The following GPR173 variants were observed in gnomAD, a reference collection of about 807,000 sequenced individuals.
The protein encoded by GPR173 is probable G protein-coupled receptor 173.
A neutral mutation model predicts 13.9 loss-of-function variants in GPR173; 2 were observed. The ratio of observed to expected loss-of-function variants is 0.14; its 90% CI spans 0.06 to 0.45. The LOEUF (loss-of-function observed/expected upper bound fraction) is 0.45. GPR173 is among the 20% of genes least tolerant of loss of function. GPR173 has a pLI of 0.98. For synonymous variants in GPR173, 131 were observed against 141.0 expected (o/e 0.93, Z 0.50); for missense variants, 202 against 340.5 (o/e 0.59, Z 3.20).
At chrX:53,072,502 C>T (rs7881236) in intron 1 of GPR173, among the ~76,000 whole-genome samples, 24,146 of 106,398 alleles carry the variant, frequency 0.23, 2,766 homozygotes, top group African/African-American at 0.42. Flanking sequence ...ACCCTTCTTC[C>T]CCTTTTTGTC....
In GPR173 at chrX:53,063,352, A is replaced by T. The variant is rs183868874; in HGVS notation, c.-97-13173A>T. On this transcript the variant is annotated intron_variant, in intron 1 of 1. Coordinates refer to ENST00000332582, the MANE Select transcript of GPR173 (RefSeq NM_018969.6). ...TACTGCTCCAGAATTGAAGGAGCAG[A>T]GTCCCAAGGTGGCACAGGGCAGCAA... Among the ~76,000 whole-genome samples the T allele has an allele frequency of 8.2e-5, 9 of 110,264 alleles. No homozygotes were observed. In the East Asian group the frequency reaches 1.1e-3, roughly 14 times the overall value.
intron 1 of GPR173, among the ~76,000 whole-genome samples, chrX:53,057,764 A>AAAAAG (rs781921909): frequency 7.1e-5 from 8 of 111,919 alleles, no homozygotes; most frequent in African/African-American, 9.7e-5. Context: ...CAAAAAAGAG[A>AAAAAG]AAAAGAAAAG....
Position 53,073,635 on chromosome X carries a change from G to C in GPR173, c.-97-2890G>C, listed in dbSNP as rs1932299830. Reference sequence around the variant, plus strand: ...TCAATTCATTTGATATATTGTCACTGAGAGCCTACCATGATGTGCTATGTA... The same window carrying C: ...TCAATTCATTTGATATATTGTCACTCAGAGCCTACCATGATGTGCTATGTA... On this transcript the variant is annotated intron_variant, in intron 1 of 1. Coordinates refer to ENST00000332582, the MANE Select transcript of GPR173 (RefSeq NM_018969.6). Among the ~76,000 whole-genome samples the C allele has an allele frequency of 3.8e-5, 4 of 105,784 alleles. No individual in the cohort carries two copies. In the South Asian group the frequency reaches 1.6e-3, roughly 43 times the overall value. 91.9% of individuals were successfully genotyped at this position (105,784 alleles called of 115,157 possible).
At chrX:53,065,791 A>G (rs1932176752) in intron 1 of GPR173, among the ~76,000 whole-genome samples, 1 of 111,981 alleles carries the variant, frequency 8.9e-6, no homozygotes, top group African/African-American at 3.2e-5. Context: ...CTTTCAATCA[A>G]ATATGAAATT....
chrX:53,050,976 C>T (rs1931949584), intron 1 of GPR173, among the ~76,000 whole-genome samples: 1 of 112,624 alleles, frequency 8.9e-6, no homozygotes, highest in Non-Finnish European at 1.9e-5. Flanking sequence ...TGGCTTGCAG[C>T]CTGCAGCCTT....
In GPR173 at chrX:53,077,705, G is replaced by A. The variant is rs1447464427; in HGVS notation, c.1084G>A (p.Gly362Ser). Residue 362 changes from glycine to serine, a missense_variant, in exon 2 of 2, where the codon GGT (glycine) becomes AGT (serine). Physicochemically the swap from Gly to Ser is moderately conservative, Grantham distance 56 (BLOSUM62 0). This residue lies in a region of GPR173 where 76 missense variants were observed against 116.3 expected (regional missense o/e 0.65). Coordinates refer to ENST00000332582, the MANE Select transcript of GPR173 (RefSeq NM_018969.6). ...RTHAPCWGTG[G>S]APAPREPYCV... is the part of the protein sequence containing the mutation. ...TCACGCCCCCTGCTGGGGCACAGGA[G>A]GTGCCCCGGCTCCCAGAGAACCCTA... 32 of 1,204,500 alleles carry A rather than the reference G, an allele frequency of 2.7e-5. No individual in the cohort carries two copies. Among genetic ancestry groups the A allele is most frequent in the Non-Finnish European group, 3.5e-5 (31 of 890,745 alleles).
At chrX:53,065,426 T>A (rs1341779832) in intron 1 of GPR173, 1 of 112,375 alleles carries the variant, frequency 8.9e-6, no homozygotes, top group Non-Finnish European at 1.9e-5. Context: ...CAGTTACTAG[T>A]GTTGAGTATG....
Position 53,077,373 on chromosome X carries a change from G to A in GPR173, c.752G>A (p.Arg251His), listed in dbSNP as rs372615346. The A allele has an allele frequency of 1.7e-5, 20 of 1,197,939 alleles. No individual in the cohort carries two copies. Among genetic ancestry groups the A allele is most frequent in the East Asian group, 9.0e-5 (3 of 33,219 alleles). Residue 251 changes from arginine (R) to histidine (H), a missense_variant, in exon 2 of 2, where the codon CGT becomes CAT. Transcript: ENST00000332582. Reference protein sequence around the residue: ...AAANWIAGFGRGPMPPTLLGI... With the variant: ...AAANWIAGFGHGPMPPTLLGI... The stretch of plus-strand genomic sequence containing the variant: ...GCCAACTGGATCGCCGGCTTTGGCC[G>A]TGGGCCCATGCCACCAACCCTGCTG...
intron 1 of GPR173, among the ~76,000 whole-genome samples, chrX:53,068,385 A>G (rs1932214169): frequency 8.9e-6 from 1 of 111,745 alleles, no homozygotes; most frequent in Non-Finnish European, 1.9e-5. Flanking sequence ...ACAATCATAC[A>G]ATGCTTCTAT....
At chrX:53,055,409 C>T (rs1210906030) in intron 1 of GPR173, among the ~76,000 whole-genome samples, 1 of 108,895 alleles carries the variant, frequency 9.2e-6, no homozygotes, top group Non-Finnish European at 1.9e-5. Context: ...AGTGAGAGCA[C>T]GGATATATTT....
chrX:53,078,016 CTG>C lies in GPR173; in HGVS notation c.*275_*276del, dbSNP rs1281481390. ...AATCTCATTCTCTCTCTCTCTCTCT[CTG>C]TCTCTCTCTCTCTCTCTCTCTCTCT... On this transcript the variant is annotated 3_prime_UTR_variant, in exon 2 of 2. Coordinates refer to ENST00000332582, the MANE Select transcript of GPR173 (RefSeq NM_018969.6). The C allele has an allele frequency of 9.5e-3, 2,768 of 291,936 alleles. 82 individuals carry two copies. In the African/African-American group the frequency reaches 0.097, roughly 10 times the overall value. 24.1% of individuals were successfully genotyped at this position (291,936 alleles called of 1,213,427 possible).
At chrX:53,052,926 A>G (rs1348392040) in intron 1 of GPR173, among the ~76,000 whole-genome samples, 1 of 111,280 alleles carries the variant, frequency 9.0e-6, no homozygotes, top group Non-Finnish European at 1.9e-5. Context: ...AGTTGTGTGC[A>G]TGTGAGTGTA....
chrX:53,072,480 A>G (rs1449512233), intron 1 of GPR173, among the ~76,000 whole-genome samples: 4 of 75,192 alleles, frequency 5.3e-5, no homozygotes, highest in African/African-American at 2.1e-4. Context: ...CTTTTTTCTC[A>G]CTCTCATTTT....
At position 53,076,654 on chromosome X, in the gene GPR173, G is replaced by C. The variant is rs782367777; in HGVS notation, c.33G>C (p.Val11=). 1.7e-6 allele frequency: 2 copies of C among 1,197,967 alleles called. No homozygotes were observed. Among genetic ancestry groups the C allele is most frequent in the Non-Finnish European group, 2.3e-6 (2 of 886,910 alleles). MANTTGEPEE[V]SGALSPPSAS... is the part of the protein sequence containing the mutation. ...ACACTACCGGAGAGCCTGAGGAGGT[G>C]AGCGGCGCTCTGTCCCCACCGTCCG... Residue 11 remains valine, a synonymous_variant, in exon 2 of 2, where the codon GTG becomes GTC. Transcript: ENST00000332582.
intron 1 of GPR173, chrX:53,065,281 G>A (rs1932171271): frequency 8.9e-6 from 1 of 112,135 alleles, no homozygotes; most frequent in Admixed American, 9.5e-5. Flanking sequence ...CCCAATGTTT[G>A]ACCTAATGCC....
chrX:53,050,776 C>G (rs1242346888), intron 1 of GPR173, among the ~76,000 whole-genome samples: 3 of 112,009 alleles, frequency 2.7e-5, no homozygotes, highest in Non-Finnish European at 5.6e-5. Context: ...AGCAAGTGGG[C>G]AAATGGAGGG....
intron 1 of GPR173, among the ~76,000 whole-genome samples, chrX:53,060,912 CCTACAGTCTCAGA>C (rs1932115604): frequency 9.2e-6 from 1 of 108,209 alleles, no homozygotes; most frequent in Non-Finnish European, 1.9e-5. Flanking sequence ...GTTATACAGG[CCTACAGTCTCAGA>C]CTGTACAGAC....
chrX:53,078,415 G>T lies in GPR173; in HGVS notation c.*672G>T, dbSNP rs1932476053. 8.1e-6 allele frequency: 1 copy of T among 122,988 alleles called. No homozygotes were observed. Among genetic ancestry groups the T allele is most frequent in the African/African-American group, 3.3e-5 (1 of 30,649 alleles). 10.1% of individuals were successfully genotyped at this position (122,988 alleles called of 1,213,427 possible). A position where few individuals can be genotyped will look rare whatever the true frequency, so the allele number is the denominator to read the frequency against. ...CTCTTCTCCCTCCCCACCATGTCCA[G>T]ACCTCCCAAATGGTTCTTGTGCATC... On this transcript the variant is annotated 3_prime_UTR_variant, in exon 2 of 2. Transcript: ENST00000332582.
rs1015916736 is a variant in GPR173, at chrX:53,078,986, C to G, written c.*1243C>G. 2 of 122,437 alleles carry G rather than the reference C, an allele frequency of 1.6e-5. No homozygotes were observed. Among genetic ancestry groups the G allele is most frequent in the Non-Finnish European group, 3.8e-5 (2 of 53,048 alleles). 10.1% of individuals were successfully genotyped at this position (122,437 alleles called of 1,213,427 possible). A position where few individuals can be genotyped will look rare whatever the true frequency, so the allele number is the denominator to read the frequency against. ...CAACCCTCCTTCCCCATCCTTCCCC[C>G]ACCCTTACCTACACCCAAAGTGGAG... is the stretch of plus-strand genomic sequence containing the variant. On this transcript the variant is annotated 3_prime_UTR_variant, in exon 2 of 2. Coordinates refer to ENST00000332582, the MANE Select transcript of GPR173 (RefSeq NM_018969.6).
Sources: allele counts gnomAD v4.1 joint callset (sites outside exome capture counted in the v4.1 genomes callset), GRCh38; gene constraint gnomAD v4.1.1; regional missense constraint gnomAD v4.1.1; transcripts MANE v1.5; gene names NCBI Gene and HGNC (gene_info 2026-07-23, HGNC 2026-07-21).